The following DNAH14 variants were observed in gnomAD, a reference collection of about 807,000 sequenced individuals.
The protein encoded by DNAH14 is dynein axonemal heavy chain 14, also known as axonemal beta dynein heavy chain 14.
A neutral mutation model predicts 520.9 loss-of-function variants in DNAH14; 478 were observed. The observed-to-expected ratio is 0.92, with a 90% CI of 0.85 to 0.99. The LOEUF (loss-of-function observed/expected upper bound fraction) is 0.99. DNAH14 is among the 50% of genes least tolerant of loss of function. The pLI is 0.00. For synonymous variants in DNAH14, 1,581 were observed against 1,757.2 expected, an observed-to-expected ratio of 0.90 and a Z score of 2.51; for missense variants, 4,831 against 5,234.5, an observed-to-expected ratio of 0.92 and a Z score of 2.38.
intron 68 of DNAH14, 180 bp downstream of exon 68, chr1:225,338,362 C>T (rs1312921630): frequency 3.8e-6 from 3 of 790,732 alleles, no homozygotes; most frequent in East Asian, 2.7e-5. Flanking sequence ...AAGAGATAAC[C>T]GATTTTTATC....
At chr1:225,128,283 A>G (rs2077988018) in intron 27 of DNAH14, among the ~76,000 whole-genome samples, 1 of 152,076 alleles carries the variant, frequency 6.6e-6, no homozygotes, top group Admixed American at 6.6e-5. Flanking sequence ...TCCAATCAAT[A>G]CAAAAAGAAG....
chr1:225,240,888 C>T, intron 43 of DNAH14, 66 bp downstream of exon 43: 8 of 1,156,896 alleles, frequency 6.9e-6, no homozygotes, highest in South Asian at 1.6e-5. Context: ...CAATGCTTGG[C>T]TTATAATGAT....
At chr1:225,226,046 A>G (rs1030563265) in intron 41 of DNAH14, among the ~76,000 whole-genome samples, 1 of 152,190 alleles carries the variant, frequency 6.6e-6, no homozygotes, top group Admixed American at 6.5e-5. Context: ...GTTCCTTGAT[A>G]TACTTTCTGT....
intron 27 of DNAH14, among the ~76,000 whole-genome samples, chr1:225,125,862 A>G (rs1350298436): frequency 6.6e-6 from 1 of 152,150 alleles, no homozygotes; most frequent in Non-Finnish European, 1.5e-5. Context: ...TCTAGCTTTT[A>G]ATTTTAAGAG....
At chr1:225,263,479 GT>G (rs796690305) in intron 46 of DNAH14, among the ~76,000 whole-genome samples, 18 of 151,484 alleles carry the variant, frequency 1.2e-4, no homozygotes, top group African/African-American at 4.4e-4. Flanking sequence ...CAATCCCTAG[GT>G]CCCCATTTTT....
chr1:225,309,661 G>C (rs1005851177), intron 60 of DNAH14, among the ~76,000 whole-genome samples: 2 of 152,192 alleles, frequency 1.3e-5, no homozygotes, highest in Non-Finnish European at 2.9e-5. Context: ...TTGGGAGGCC[G>C]AGGCGGGTAG....
At chr1:225,049,039 T>C (rs2068230176) in intron 15 of DNAH14, among the ~76,000 whole-genome samples, 1 of 146,164 alleles carries the variant, frequency 6.8e-6, no homozygotes, top group Admixed American at 7.2e-5. Flanking sequence ...TTTTTAGATC[T>C]CTTGCCTATT....
intron 64 of DNAH14, 40 bp downstream of exon 64, chr1:225,324,872 C>A: frequency 4.2e-6 from 6 of 1,443,614 alleles, no homozygotes; most frequent in Non-Finnish European, 5.7e-6. Flanking sequence ...AGACAAAACA[C>A]CAGGACAATG....
chr1:225,178,489 G>A (rs772224659), intron 36 of DNAH14, among the ~76,000 whole-genome samples: 6 of 152,102 alleles, frequency 3.9e-5, no homozygotes, highest in East Asian at 3.9e-4. Context: ...GGTCCCTCCC[G>A]TAACACATGG....
In DNAH14 at chr1:225,145,666, A is replaced by T. The variant is rs576015202; in HGVS notation, c.4794+287A>T. 7.6e-4 allele frequency among the ~76,000 whole-genome samples: 116 copies of T among 152,204 alleles called. 1 individual carries two copies. The highest frequency in any genetic ancestry group is 1.3e-3 in the Non-Finnish European group (89 of 68,018). On this transcript the variant is annotated intron_variant, in intron 30 of 85. Transcript: ENST00000682510. Reference sequence around the variant, plus strand: ...CTTTTCAATAAAAAAACTTACATGGAACATGAATATATAAAACAATTAAAG... The same window carrying T: ...CTTTTCAATAAAAAAACTTACATGGTACATGAATATATAAAACAATTAAAG...
At chr1:225,379,539 T>C (rs568298825) in intron 79 of DNAH14, among the ~76,000 whole-genome samples, 1 of 152,296 alleles carries the variant, frequency 6.6e-6, no homozygotes, top group East Asian at 1.9e-4. Flanking sequence ...TTTTAAATTT[T>C]TTTTTTGAGA....
At chr1:225,126,614 C>T (rs1471025555) in intron 27 of DNAH14, among the ~76,000 whole-genome samples, 1 of 151,840 alleles carries the variant, frequency 6.6e-6, no homozygotes, top group East Asian at 1.9e-4. Context: ...CTTTATTAGT[C>T]TTGCTAGCGG....
At chr1:225,043,149 G>T in intron 13 of DNAH14, 35 bp downstream of exon 13, 1 of 1,520,238 alleles carries the variant, frequency 6.6e-7, no homozygotes, top group Non-Finnish European at 8.8e-7. Context: ...ATGAGGGGTT[G>T]CCAGGTGTGG....
intron 77 of DNAH14, among the ~76,000 whole-genome samples, chr1:225,368,889 G>C (rs916325921): frequency 2.6e-5 from 4 of 152,032 alleles, no homozygotes; most frequent in Admixed American, 1.3e-4. Context: ...ACCTAACCAG[G>C]AACATAACAT....
chr1:225,100,960 C>T, intron 23 of DNAH14, 76 bp downstream of exon 23: 1 of 1,204,942 alleles, frequency 8.3e-7, no homozygotes, highest in Non-Finnish European at 1.1e-6. Flanking sequence ...TAATCTACTG[C>T]AGAAGCTAAT....
intron 75 of DNAH14, 71 bp from the exon 76 acceptor site, chr1:225,364,721 T>G: frequency 8.9e-7 from 1 of 1,125,944 alleles, no homozygotes; most frequent in Non-Finnish European, 1.3e-6. Context: ...AACAGTGAAA[T>G]GCTATGATTC....
intron 17 of DNAH14, among the ~76,000 whole-genome samples, chr1:225,063,117 A>G (rs1363472953): frequency 1.8e-5 from 1 of 54,384 alleles, no homozygotes; most frequent in East Asian, 3.7e-4. Context: ...CAGACAAATG[A>G]AAGATATTTA....
At chr1:225,068,355 G>A (rs747926756) in intron 17 of DNAH14, among the ~76,000 whole-genome samples, 10 of 152,136 alleles carry the variant, frequency 6.6e-5, no homozygotes, top group Non-Finnish European at 1.2e-4. Context: ...GTGTAGCCCT[G>A]TAGTGTAGTA....
At position 225,152,062 on chromosome 1, in the gene DNAH14, C is replaced by T; in HGVS notation, c.4998C>T (p.Thr1666=). 1 of 1,549,832 alleles carries T rather than the reference C, an allele frequency of 6.5e-7. No individual in the cohort carries two copies. The highest frequency in any genetic ancestry group is 8.7e-7 in the Non-Finnish European group (1 of 1,146,426). ...ATATGTCTTGTGCGGTATTTATCAC[C>T]ATGAATCCCAGGTAAGTATCAGTAA... is the stretch of plus-strand genomic sequence containing the variant. The part of the protein sequence containing the change: ...RINMSCAVFI[T]MNPRYGGGVE... The change falls in exon 32 of 86, where the codon ACC becomes ACT. Residue 1666 remains threonine, a synonymous_variant. Coordinates refer to ENST00000682510, the MANE Select transcript of DNAH14 (RefSeq NM_001367479.1).
Sources: allele counts gnomAD v4.1 joint callset (sites outside exome capture counted in the v4.1 genomes callset), GRCh38; gene constraint gnomAD v4.1.1; transcripts MANE v1.5; gene names NCBI Gene and HGNC (gene_info 2026-07-23, HGNC 2026-07-21).